Variants in FANCM observed in about 807,000 individuals in gnomAD.
The protein encoded by FANCM is FA complementation group M.
A neutral mutation model predicts 199.5 loss-of-function variants in FANCM; 140 were observed. The observed-to-expected ratio is 0.70, with a 90% CI of 0.61 to 0.81. The LOEUF is 0.81. Ranked by LOEUF, FANCM falls within the 30% of genes least tolerant of loss-of-function variation. The pLI is 0.00. For missense variants in FANCM, 2,410 were observed against 2,421.4 expected, an observed-to-expected ratio of 1.00 and a Z score of 0.10; for synonymous variants, 840 against 836.8, an observed-to-expected ratio of 1.00 and a Z score of -0.07.
At chr14:45,185,436 T>G in intron 18 of FANCM, 63 bp downstream of exon 18, 4 of 967,046 alleles carry the variant, frequency 4.1e-6, no homozygotes, top group Non-Finnish European at 6.1e-6. Flanking sequence ...ATTTAAATAT[T>G]TTAATCAGTT....
intron 14 of FANCM, among the ~76,000 whole-genome samples, chr14:45,179,027 C>A (rs182624471): frequency 1.3e-5 from 2 of 152,008 alleles, no homozygotes; most frequent in East Asian, 3.9e-4. Flanking sequence ...GATGAAACCC[C>A]GTCTCTACTG....
chr14:45,198,564 T>TGCCGTATCA, intron 21 of FANCM, 80 bp from the exon 22 acceptor site: 1 of 883,902 alleles, frequency 1.1e-6, no homozygotes, highest in South Asian at 2.4e-5. Flanking sequence ...ATCTTGGGAT[T>TGCCGTATCA]TTAATAAAAT....
intron 11 of FANCM, among the ~76,000 whole-genome samples, chr14:45,170,174 G>C (rs1015427655): frequency 2.0e-5 from 3 of 152,210 alleles, no homozygotes; most frequent in African/African-American, 7.2e-5. Flanking sequence ...CCAAAGGATA[G>C]CTCCTAGACA....
chr14:45,186,119 C>A (rs569503360), intron 18 of FANCM, among the ~76,000 whole-genome samples: 1 of 152,210 alleles, frequency 6.6e-6, no homozygotes, highest in Admixed American at 6.5e-5. Flanking sequence ...GTCTCCAACT[C>A]CAGGCCTCAA....
At chr14:45,174,184 C>T (rs1888516107) in intron 13 of FANCM, among the ~76,000 whole-genome samples, 2 of 151,960 alleles carry the variant, frequency 1.3e-5, no homozygotes, top group Non-Finnish European at 1.5e-5. Flanking sequence ...GTCAGGAGTT[C>T]GAGACCAGCC....
At chr14:45,137,386 G>C in intron 2 of FANCM, 145 bp downstream of exon 2, 1 of 673,984 alleles carries the variant, frequency 1.5e-6, no homozygotes, top group East Asian at 2.7e-5. Flanking sequence ...TGGTGATAAA[G>C]AATATCTGTA....
intron 3 of FANCM, among the ~76,000 whole-genome samples, chr14:45,142,610 C>T (rs1886059660): frequency 6.6e-6 from 1 of 151,850 alleles, no homozygotes; most frequent in Non-Finnish European, 1.5e-5. Flanking sequence ...CCGGCCGCTT[C>T]CTCTTTTTTC....
chr14:45,191,807 C>A (rs1022314341), intron 20 of FANCM, among the ~76,000 whole-genome samples: 1 of 152,048 alleles, frequency 6.6e-6, no homozygotes, highest in East Asian at 1.9e-4. Context: ...CTAATATTTG[C>A]ATTGTCATGT....
chr14:45,144,566 T>C (rs1566726597), intron 3 of FANCM, among the ~76,000 whole-genome samples: 1 of 152,130 alleles, frequency 6.6e-6, no homozygotes, highest in Non-Finnish European at 1.5e-5. Flanking sequence ...CAAGATGAAG[T>C]CCTTCTCACT....
At chr14:45,155,833 C>A (rs1290884076) in intron 8 of FANCM, among the ~76,000 whole-genome samples, 2 of 152,020 alleles carry the variant, frequency 1.3e-5, no homozygotes, top group East Asian at 1.9e-4. Context: ...CAAAGAAAAA[C>A]CTTCAACCTA....
chr14:45,174,911 T>A (rs1315538780), intron 13 of FANCM, among the ~76,000 whole-genome samples, 160 bp from the exon 14 acceptor site: 1 of 152,154 alleles, frequency 6.6e-6, no homozygotes, highest in Non-Finnish European at 1.5e-5. Context: ...GTGTACTTTA[T>A]AATTTTGATT....
intron 3 of FANCM, among the ~76,000 whole-genome samples, chr14:45,141,714 C>T (rs1045048370): frequency 9.2e-5 from 14 of 151,442 alleles, no homozygotes; most frequent in Admixed American, 4.6e-4. Context: ...CTCACCCTCC[C>T]GAGTAGCTGG....
At chr14:45,151,154 A>T (rs549366477) in intron 4 of FANCM, among the ~76,000 whole-genome samples, 1 of 152,198 alleles carries the variant, frequency 6.6e-6, no homozygotes, top group Non-Finnish European at 1.5e-5. Flanking sequence ...ATAAACAGAT[A>T]AACGAATGTG....
Position 45,137,080 on chromosome 14 carries a change from G to T in FANCM, c.520G>T (p.Ala174Ser), listed in dbSNP as rs758296940. ...HMAEMTGSTQ[A>S]STRKEIWCSK... The stretch of plus-strand genomic sequence containing the variant: ...ACTTTTATTTTCAGGGTCTACACAA[G>T]CTTCCACCAGGAAGGAAATATGGTG... Residue 174 changes from alanine to serine, a missense_variant, in exon 2 of 23, where the codon GCT becomes TCT. Transcript: ENST00000267430. The T allele has an allele frequency of 6.2e-7, 1 of 1,612,066 alleles. No individual in the cohort carries two copies. Among genetic ancestry groups the T allele is most frequent in the South Asian group, 1.1e-5 (1 of 91,068 alleles).
At chr14:45,179,536 ATTAGG>A (rs1888927002) in intron 14 of FANCM, among the ~76,000 whole-genome samples, 1 of 149,110 alleles carries the variant, frequency 6.7e-6, no homozygotes, top group South Asian at 2.1e-4. Flanking sequence ...CCTCTCATAG[ATTAGG>A]TACATCATTT....
In FANCM at chr14:45,146,658, G is replaced by A. The variant is rs942293330; in HGVS notation, c.760-2179G>A. On this transcript the variant is annotated intron_variant, in intron 3 of 22. Transcript: ENST00000267430. The stretch of plus-strand genomic sequence containing the variant: ...ATCCTGGCCAACATGGTGAAACCCC[G>A]TCTCTACTAAAAAAAATACAAAAAA... 6.6e-5 allele frequency among the ~76,000 whole-genome samples: 10 copies of A among 150,914 alleles called. No homozygotes were observed. In the East Asian group the frequency reaches 1.6e-3, roughly 24 times the overall value.
intron 20 of FANCM, among the ~76,000 whole-genome samples, chr14:45,193,793 A>T (rs1889907279): frequency 6.6e-6 from 1 of 151,846 alleles, no homozygotes. Context: ...TTAGATATTC[A>T]GAGTCCCTTG....
rs1280192693 is a variant in FANCM at position 45,176,731 on chromosome 14, C to T, written c.3977C>T (p.Ser1326Phe). Reference sequence around the variant, plus strand: ...GAAGAATTGTTATCTCCTGGTTATTCTCAGTTTTCTTTACCAGTGCAAAAA... The same window carrying T: ...GAAGAATTGTTATCTCCTGGTTATTTTCAGTTTTCTTTACCAGTGCAAAAA... ...KNEELLSPGYSQFSLPVQKKV... is the reference protein window; with the variant it reads ...KNEELLSPGYFQFSLPVQKKV... Residue 1326 changes from serine to phenylalanine, a missense_variant, in exon 14 of 23, where the codon TCT (serine) becomes TTT (phenylalanine). By Grantham distance (155) the Ser-to-Phe change is radical. Transcript: ENST00000267430. 9 of 1,613,258 alleles carry T rather than the reference C, an allele frequency of 5.6e-6. No homozygotes were observed. The highest frequency in any genetic ancestry group is 7.6e-6 in the Non-Finnish European group (9 of 1,179,568).
intron 8 of FANCM, among the ~76,000 whole-genome samples, chr14:45,156,097 A>AC: frequency 6.6e-6 from 1 of 152,192 alleles, no homozygotes; most frequent in Non-Finnish European, 1.5e-5. Context: ...TTTATATAGC[A>AC]TGGTTATAGA....
Sources: allele counts gnomAD v4.1 joint callset (sites outside exome capture counted in the v4.1 genomes callset), GRCh38; gene constraint gnomAD v4.1.1; transcripts MANE v1.5; gene names NCBI Gene and HGNC (gene_info 2026-07-23, HGNC 2026-07-21).